KCNN2: variants seen among roughly 807,000 people sequenced by gnomAD.
KCNN2 encodes potassium calcium-activated channel subfamily N member 2, also known as small conductance calcium-activated potassium channel protein 2.
In KCNN2, 24 loss-of-function variants were observed where a neutral mutation model predicts 55.5. That is an observed-to-expected ratio of 0.43 (90% CI 0.31 to 0.61). KCNN2 has a LOEUF of 0.61. Ranked by LOEUF, KCNN2 falls within the 20% of genes least tolerant of loss-of-function variation. The probability of loss-of-function intolerance (pLI) is 0.08; values close to 1 mark genes in which losing one functional copy is unlikely to be tolerated. For synonymous variants in KCNN2, 431 were observed against 336.1 expected, an observed-to-expected ratio of 1.28 and a Z score of -3.09; for missense variants, 754 against 853.6, an observed-to-expected ratio of 0.88 and a Z score of 1.45.
chr5:114,274,712 G>A (rs775882600), intron 2 of KCNN2, among the ~76,000 whole-genome samples: 8 of 152,020 alleles, frequency 5.3e-5, no homozygotes, highest in Admixed American at 1.3e-4. Flanking sequence ...CTGACTTTGC[G>A]TATCAGATTA....
At chr5:114,275,276 G>T (rs1185899441) in intron 2 of KCNN2, among the ~76,000 whole-genome samples, 1 of 152,174 alleles carries the variant, frequency 6.6e-6, no homozygotes, top group Non-Finnish European at 1.5e-5. Flanking sequence ...GTTCATCAGG[G>T]ATATTGGCCT....
chr5:114,204,077 A>T (rs958771444), intron 1 of KCNN2, among the ~76,000 whole-genome samples: 9 of 152,190 alleles, frequency 5.9e-5, no homozygotes, highest in Non-Finnish European at 1.2e-4. Flanking sequence ...TACAGACTTC[A>T]GGAAGTTCAC....
intron 1 of KCNN2, among the ~76,000 whole-genome samples, chr5:114,075,729 G>A (rs1750672955): frequency 5.6e-5 from 2 of 35,920 alleles, no homozygotes; most frequent in African/African-American, 1.2e-4. Flanking sequence ...TTTTAGCTAA[G>A]GGGGCATTAA....
At chr5:114,146,956 C>A (rs1752410891) in intron 1 of KCNN2, among the ~76,000 whole-genome samples, 1 of 152,134 alleles carries the variant, frequency 6.6e-6, no homozygotes, top group Non-Finnish European at 1.5e-5. Flanking sequence ...TTAGTGTCAG[C>A]AATATTTTTG....
intron 1 of KCNN2, among the ~76,000 whole-genome samples, chr5:114,101,046 T>A (rs1751363943): frequency 6.6e-6 from 1 of 152,006 alleles, no homozygotes; most frequent in African/African-American, 2.4e-5. Flanking sequence ...ACTTTATATT[T>A]TTCACTATTA....
At chr5:114,354,819 T>C (rs1757269735) in intron 2 of KCNN2, among the ~76,000 whole-genome samples, 1 of 152,166 alleles carries the variant, frequency 6.6e-6, no homozygotes, top group Non-Finnish European at 1.5e-5. Flanking sequence ...GTTGTGTTTT[T>C]CCCCTGATAT....
chr5:114,088,447 G>A (rs1414388596), intron 1 of KCNN2, among the ~76,000 whole-genome samples: 6 of 151,686 alleles, frequency 4.0e-5, no homozygotes. Flanking sequence ...TCCAGTTACA[G>A]CTGTGTTAGA....
Position 114,277,430 on chromosome 5 carries a change from G to A in KCNN2, c.-185+55865G>A, listed in dbSNP as rs191495037. Among the ~76,000 whole-genome samples, 9 of 152,252 alleles carry A rather than the reference G, an allele frequency of 5.9e-5. No homozygotes were observed. In the East Asian group the frequency reaches 7.7e-4, roughly 13 times the overall value. ...TCTCTTGGATAATATCCTGAAGAGC[G>A]TTTTCTAAGTTGGGTCCATTCTCCC... On this transcript the variant is annotated intron_variant, in intron 2 of 10. Transcript: ENST00000512097.
chr5:114,289,452 C>G (rs1366095256), intron 2 of KCNN2, among the ~76,000 whole-genome samples: 3 of 150,762 alleles, frequency 2.0e-5, no homozygotes, highest in African/African-American at 7.3e-5. Flanking sequence ...TCTCTGCTCA[C>G]TGTTACCTCC....
At chr5:114,310,611 G>T (rs1220236423) in intron 2 of KCNN2, among the ~76,000 whole-genome samples, 2 of 152,052 alleles carry the variant, frequency 1.3e-5, no homozygotes, top group Non-Finnish European at 2.9e-5. Flanking sequence ...TTTAAAATAT[G>T]TTCAGAGAAA....
At chr5:114,371,375 C>T (rs1225087495) in intron 2 of KCNN2, among the ~76,000 whole-genome samples, 1 of 152,062 alleles carries the variant, frequency 6.6e-6, no homozygotes, top group African/African-American at 2.4e-5. Context: ...GAGAGTTGAT[C>T]ATTCTCTGAC....
In KCNN2 at chr5:114,266,139, A is replaced by T. The variant is rs1755204129; in HGVS notation, c.-185+44574A>T. Reference sequence around the variant, plus strand: ...AATAGCATTACAACATGTAACCAACATGAAAATTATTAATGAGATACTTTA... The same window carrying T: ...AATAGCATTACAACATGTAACCAACTTGAAAATTATTAATGAGATACTTTA... On this transcript the variant is annotated intron_variant, in intron 2 of 10. Coordinates refer to the KCNN2 transcript ENST00000512097. 2.0e-5 allele frequency among the ~76,000 whole-genome samples: 3 copies of T among 152,198 alleles called. No homozygotes were observed. The South Asian group carries it at 6.2e-4, about 32-fold the overall frequency.
intron 1 of KCNN2, among the ~76,000 whole-genome samples, chr5:114,099,699 G>C (rs1179923477): frequency 1.3e-5 from 2 of 151,928 alleles, no homozygotes; most frequent in African/African-American, 2.4e-5. Flanking sequence ...TTATGATTTT[G>C]TTCTTGGAAA....
chr5:114,328,805 C>T (rs1159982362), intron 2 of KCNN2, among the ~76,000 whole-genome samples: 1 of 152,174 alleles, frequency 6.6e-6, no homozygotes, highest in Non-Finnish European at 1.5e-5. Flanking sequence ...GAATGAGAAC[C>T]AGGGGTCACT....
At chr5:114,096,233 A>T (rs1270780892) in intron 1 of KCNN2, among the ~76,000 whole-genome samples, 1 of 152,118 alleles carries the variant, frequency 6.6e-6, no homozygotes, top group Non-Finnish European at 1.5e-5. Flanking sequence ...GATTATTTTA[A>T]CGTTTCAGTG....
chr5:114,414,402 A>G (rs1367328476), intron 3 of KCNN2, among the ~76,000 whole-genome samples: 3 of 152,140 alleles, frequency 2.0e-5, no homozygotes, highest in Non-Finnish European at 2.9e-5. Flanking sequence ...ACTGTCTTTC[A>G]AGGGAGCCTC....
chr5:114,145,334 A>T (rs1752376415), intron 1 of KCNN2, among the ~76,000 whole-genome samples: 1 of 152,234 alleles, frequency 6.6e-6, no homozygotes, highest in African/African-American at 2.4e-5. Flanking sequence ...CTGAACTAAC[A>T]CAATCCTTCC....
chr5:114,108,553 C>G (rs915747205), intron 1 of KCNN2, among the ~76,000 whole-genome samples: 1 of 152,066 alleles, frequency 6.6e-6, no homozygotes, highest in Non-Finnish European at 1.5e-5. Flanking sequence ...CATTTGACTT[C>G]TTTCACAGAT....
rs367766432 is a variant in KCNN2, at chr5:114,210,046, T to G, written c.-270-11434T>G. 1.6e-4 allele frequency among the ~76,000 whole-genome samples: 24 copies of G among 152,342 alleles called. No homozygotes were observed. In the East Asian group the frequency reaches 1.7e-3, roughly 11 times the overall value. ...GGGTCAAACAAGGTGAGGTTTTGCT[T>G]CTTTTTTCAGCTTTTATACTGTAAA... On this transcript the variant is annotated intron_variant, in intron 1 of 10. Coordinates refer to the KCNN2 transcript ENST00000512097.
Sources: gnomAD v4.1 joint callset for allele counts (sites outside exome capture counted in the v4.1 genomes callset) on GRCh38, gnomAD v4.1.1 for gene constraint, MANE v1.5 for transcripts, NCBI Gene and HGNC (gene_info 2026-07-23, HGNC 2026-07-21) for gene names.